Variants in PRIM2 observed in about 807,000 individuals in gnomAD.
PRIM2 encodes the protein DNA primase subunit 2, also known as DNA primase large subunit.
Under a neutral mutation model 67.3 loss-of-function variants are expected in PRIM2, and 39 were observed. That is an observed-to-expected ratio of 0.58 (90% CI 0.45 to 0.76). The LOEUF is 0.76. Among genes scored for constraint, PRIM2 ranks in the 30% least tolerant of loss-of-function variants. The pLI is 0.00. For missense variants in PRIM2, 398 were observed against 598.7 expected (o/e 0.66, Z 3.50); for synonymous variants, 143 against 198.7 (o/e 0.72, Z 2.36).
intron 10 of PRIM2, among the ~76,000 whole-genome samples, chr6:57,575,792 T>C (rs1775953402): frequency 6.6e-6 from 1 of 152,170 alleles, no homozygotes; most frequent in Admixed American, 6.5e-5. Flanking sequence ...TGTTTGTTTG[T>C]TTTGAGATGG....
At chr6:57,609,460 G>A (rs1403356165) in intron 12 of PRIM2, among the ~76,000 whole-genome samples, 3 of 152,110 alleles carry the variant, frequency 2.0e-5, no homozygotes, top group African/African-American at 4.8e-5. Context: ...AAATGTGATA[G>A]GGAATCTAGA....
At chr6:57,458,511 C>T (rs1772885400) in intron 7 of PRIM2, among the ~76,000 whole-genome samples, 2 of 152,144 alleles carry the variant, frequency 1.3e-5, no homozygotes, top group African/African-American at 4.8e-5. Flanking sequence ...TGGTGAAACC[C>T]TGTCTCTACT....
chr6:57,343,067 G>A (rs1193607578), intron 5 of PRIM2, among the ~76,000 whole-genome samples: 1 of 152,116 alleles, frequency 6.6e-6, no homozygotes, highest in Non-Finnish European at 1.5e-5. Flanking sequence ...GCCTTTGGAG[G>A]CTTTTCTCCA....
intron 10 of PRIM2, among the ~76,000 whole-genome samples, chr6:57,599,768 C>T (rs1776427623): frequency 6.6e-6 from 1 of 152,196 alleles, no homozygotes; most frequent in Admixed American, 6.5e-5. Flanking sequence ...GCTATCAACC[C>T]GTTATTCTGC....
At chr6:57,532,858 TA>T (rs1774921556) in intron 9 of PRIM2, among the ~76,000 whole-genome samples, 1 of 152,144 alleles carries the variant, frequency 6.6e-6, no homozygotes, top group African/African-American at 2.4e-5. Context: ...TCTCACAGTC[TA>T]GAGGCTCGAA....
At chr6:57,630,282 TAATAA>T (rs1484425595) in intron 12 of PRIM2, among the ~76,000 whole-genome samples, 2 of 152,156 alleles carry the variant, frequency 1.3e-5, no homozygotes, top group African/African-American at 4.8e-5. Context: ...AAATTCATCC[TAATAA>T]AATAAAACAA....
intron 7 of PRIM2, among the ~76,000 whole-genome samples, chr6:57,406,592 T>C (rs1770900479): frequency 6.6e-6 from 1 of 151,930 alleles, no homozygotes; most frequent in South Asian, 2.1e-4. Context: ...TAAGTTCAAA[T>C]AAAAAATAAA....
At chr6:57,326,080 T>C (rs372242028) in intron 5 of PRIM2, 35 bp downstream of exon 5, 157 of 1,601,188 alleles carry the variant, frequency 9.8e-5, no homozygotes, top group Non-Finnish European at 1.3e-4. Context: ...CTAATTGTTC[T>C]CACCATTCAT....
chr6:57,479,608 GCTCT>G (rs1773566082), intron 7 of PRIM2, among the ~76,000 whole-genome samples: 1 of 152,172 alleles, frequency 6.6e-6, no homozygotes, highest in Non-Finnish European at 1.5e-5. Flanking sequence ...GAAAAGGTTT[GCTCT>G]CTCTTTCACA....
At chr6:57,310,481 CTCTT>C (rs1208808130), upstream of PRIM2, among the ~76,000 whole-genome samples, 16 of 152,266 alleles carry the variant, frequency 1.1e-4, no homozygotes, top group African/African-American at 3.9e-4. Flanking sequence ...AATCTGATCT[CTCTT>C]TCTTTTCCCC....
intron 10 of PRIM2, among the ~76,000 whole-genome samples, chr6:57,557,319 A>G (rs1187843917): frequency 1.9e-4 from 29 of 151,708 alleles, no homozygotes; most frequent in African/African-American, 6.0e-4. Flanking sequence ...TATGCACGCG[A>G]ATGTTCATTG....
At chr6:57,630,348 G>A (rs1313594178) in intron 12 of PRIM2, among the ~76,000 whole-genome samples, 1 of 152,044 alleles carries the variant, frequency 6.6e-6, no homozygotes, top group Non-Finnish European at 1.5e-5. Flanking sequence ...TGCGAGTGGG[G>A]TCAGGTCAGG....
At chr6:57,262,747 CT>C in the PRIM2 span, among the ~76,000 whole-genome samples, 1 of 152,142 alleles carries the variant, frequency 6.6e-6, no homozygotes, top group African/African-American at 2.4e-5. Context: ...CTGAGAGTCT[CT>C]TTGACTATTT....
At chr6:57,284,420 C>A in the PRIM2 span, among the ~76,000 whole-genome samples, 1 of 152,128 alleles carries the variant, frequency 6.6e-6, no homozygotes, top group Non-Finnish European at 1.5e-5. Context: ...ATGTTCTGAT[C>A]TTAAACAGTT....
intron 10 of PRIM2, among the ~76,000 whole-genome samples, chr6:57,561,920 G>A (rs1230832712): frequency 1.3e-5 from 2 of 152,184 alleles, no homozygotes; most frequent in East Asian, 1.9e-4. Context: ...CTTAAAGTGA[G>A]AGATGTGCGA....
At chr6:57,505,778 C>G (rs1410790780) in intron 7 of PRIM2, among the ~76,000 whole-genome samples, 15 of 152,056 alleles carry the variant, frequency 9.9e-5, no homozygotes, top group African/African-American at 3.1e-4. Context: ...TAACAGATGT[C>G]TAGAATATTT....
chr6:57,521,752 C>G (rs1774628888), intron 8 of PRIM2, among the ~76,000 whole-genome samples: 1 of 151,930 alleles, frequency 6.6e-6, no homozygotes, highest in East Asian at 1.9e-4. Flanking sequence ...TGGTGTTAAC[C>G]TCTTTAGGCT....
the PRIM2 span, among the ~76,000 whole-genome samples, chr6:57,242,387 A>T: frequency 6.6e-6 from 1 of 152,204 alleles, no homozygotes; most frequent in Admixed American, 6.5e-5. Flanking sequence ...TGATTTTTTT[A>T]ATCTACTAAC....
At chr6:57,271,756 T>C in the PRIM2 span, among the ~76,000 whole-genome samples, 1 of 152,222 alleles carries the variant, frequency 6.6e-6, no homozygotes, top group East Asian at 1.9e-4. Context: ...CTTTCTCTTG[T>C]GGGCATTTAG....
Sources: gnomAD v4.1 joint callset for allele counts (sites outside exome capture counted in the v4.1 genomes callset) on GRCh38, gnomAD v4.1.1 for gene constraint, MANE v1.5 for transcripts, NCBI Gene and HGNC (gene_info 2026-07-23, HGNC 2026-07-21) for gene names.